Variants in SIK3 observed in about 807,000 individuals in gnomAD.
SIK3 encodes SIK family kinase 3, also known as serine/threonine-protein kinase SIK3.
In SIK3, 28 loss-of-function variants were observed where a neutral mutation model predicts 144.2. That is an observed-to-expected ratio of 0.19 (90% CI 0.14 to 0.27). The LOEUF (loss-of-function observed/expected upper bound fraction) is 0.27. Ranked by LOEUF, SIK3 falls within the 10% of genes least tolerant of loss-of-function variation. SIK3 has a pLI of 1.00. For synonymous variants in SIK3, 686 were observed against 676.3 expected (o/e 1.01, Z -0.22); for missense variants, 1,319 against 1,776.0 (o/e 0.74, Z 4.62).
intron 22 of SIK3, 68 bp from the exon 23 acceptor site, chr11:116,847,676 G>T: frequency 6.3e-7 from 1 of 1,599,324 alleles, no homozygotes; most frequent in Non-Finnish European, 8.5e-7. Context: ...CCTAGAGACA[G>T]CTGGTCCTTC....
chr11:116,991,423 G>A (rs1480536847), intron 1 of SIK3, among the ~76,000 whole-genome samples: 2 of 152,178 alleles, frequency 1.3e-5, no homozygotes, highest in East Asian at 3.8e-4. Context: ...CTCCAGTATG[G>A]GCAATAGAGC....
intron 1 of SIK3, among the ~76,000 whole-genome samples, chr11:116,971,616 A>G (rs570396727): frequency 7.8e-4 from 119 of 152,360 alleles, no homozygotes; most frequent in Non-Finnish European, 1.6e-3. Flanking sequence ...AATTCAAAGC[A>G]TCAATCAGCT....
chr11:116,844,673 T>C lies in SIK3; in HGVS notation c.*970A>G, dbSNP rs1389670136. On this transcript the variant is annotated 3_prime_UTR_variant, in exon 25 of 25. Transcript: ENST00000445177. Reference sequence around the variant, plus strand: ...TATATATATAATATATATATACACATATATTATATTATATATATACACACA... The same window carrying C: ...TATATATATAATATATATATACACACATATTATATTATATATATACACACA... 9.6e-5 allele frequency: 11 copies of C among 114,448 alleles called. No homozygotes were observed. Among genetic ancestry groups the C allele is most frequent in the Admixed American group, 8.4e-4 (9 of 10,712 alleles). The allele number at this position is 114,448 out of a possible 1,614,324, so 7.1% of individuals were successfully genotyped here.
At chr11:116,957,199 G>A (rs1315669579) in intron 1 of SIK3, 135 bp from the exon 2 acceptor site, 1 of 510,720 alleles carries the variant, frequency 2.0e-6, no homozygotes, top group African/African-American at 1.9e-5. Flanking sequence ...TGTCAATGAG[G>A]AAAATTAATT....
intron 1 of SIK3, among the ~76,000 whole-genome samples, chr11:116,974,709 A>T (rs1949886824): frequency 6.6e-6 from 1 of 152,166 alleles, no homozygotes; most frequent in Admixed American, 6.6e-5. Flanking sequence ...AATCTTTTTT[A>T]AAAATGTATT....
chr11:117,040,792 C>G (rs1370478169), intron 1 of SIK3, among the ~76,000 whole-genome samples: 1 of 152,068 alleles, frequency 6.6e-6, no homozygotes, highest in African/African-American at 2.4e-5. Flanking sequence ...ATAAAGAGTT[C>G]ACATATAAAT....
intron 1 of SIK3, among the ~76,000 whole-genome samples, chr11:117,062,170 C>T (rs889544308): frequency 1.3e-5 from 2 of 151,966 alleles, no homozygotes; most frequent in African/African-American, 4.8e-5. Context: ...ACTAAAAATA[C>T]AAAAATTAGC....
intron 1 of SIK3, among the ~76,000 whole-genome samples, chr11:116,990,172 T>C (rs531731972): frequency 2.0e-5 from 3 of 152,188 alleles, no homozygotes; most frequent in Admixed American, 1.3e-4. Flanking sequence ...TTGGCAGCAA[T>C]ACATGTACTT....
At chr11:117,023,618 AAAAAT>A (rs1434055351) in intron 1 of SIK3, among the ~76,000 whole-genome samples, 4,617 of 115,038 alleles carry the variant, frequency 0.04, 101 homozygotes, top group Non-Finnish European at 0.055. Flanking sequence ...ACAAAAAAAA[AAAAAT>A]ATATATATAT....
intron 23 of SIK3, 51 bp downstream of exon 23, chr11:116,847,425 G>C (rs1591350762): frequency 6.2e-7 from 1 of 1,611,210 alleles, no homozygotes; most frequent in African/African-American, 1.3e-5. Flanking sequence ...AAGATGGAGG[G>C]AGGCCCCTCC....
intron 1 of SIK3, among the ~76,000 whole-genome samples, chr11:117,005,570 G>T (rs1253119682): frequency 6.6e-6 from 1 of 151,916 alleles, no homozygotes; most frequent in Non-Finnish European, 1.5e-5. Flanking sequence ...GGCTCTCTTG[G>T]GTTTGAATCC....
At chr11:116,895,181 G>A (rs1352925451) in intron 6 of SIK3, among the ~76,000 whole-genome samples, 1 of 151,982 alleles carries the variant, frequency 6.6e-6, no homozygotes, top group Non-Finnish European at 1.5e-5. Context: ...CTTCCTTCCA[G>A]GCACGCAGGC....
At chr11:117,049,173 AG>A (rs1169296039) in intron 1 of SIK3, among the ~76,000 whole-genome samples, 1 of 152,220 alleles carries the variant, frequency 6.6e-6, no homozygotes, top group Non-Finnish European at 1.5e-5. Flanking sequence ...AAAGATTTTT[AG>A]GGGTTGTCAA....
intron 2 of SIK3, among the ~76,000 whole-genome samples, chr11:116,956,335 C>CAAA (rs67306337): frequency 7.8e-6 from 1 of 128,322 alleles, no homozygotes. Context: ...TTGGGAAGAC[C>CAAA]AAAAAAAAAA....
intron 13 of SIK3, 24 bp from the exon 14 acceptor site, chr11:116,870,425 G>A: frequency 6.2e-7 from 1 of 1,612,168 alleles, no homozygotes; most frequent in Non-Finnish European, 8.5e-7. Context: ...GGAAGGAAAA[G>A]CTCAAGGTGG....
At chr11:116,962,065 T>C (rs902143822) in intron 1 of SIK3, among the ~76,000 whole-genome samples, 29 of 152,162 alleles carry the variant, frequency 1.9e-4, no homozygotes, top group African/African-American at 9.7e-5. Context: ...CTGAAAAAAA[T>C]AGTGGTTTCT....
At chr11:116,989,235 A>G (rs1187437747) in intron 1 of SIK3, among the ~76,000 whole-genome samples, 2 of 152,134 alleles carry the variant, frequency 1.3e-5, no homozygotes, top group South Asian at 2.1e-4. Context: ...CTCTCAGATG[A>G]TATGTGTTTC....
intron 3 of SIK3, among the ~76,000 whole-genome samples, chr11:116,934,898 G>A (rs1947825508): frequency 1.3e-5 from 2 of 152,126 alleles, no homozygotes; most frequent in African/African-American, 4.8e-5. Context: ...TGGCCAACAT[G>A]GTGAAACCTC....
In SIK3 at chr11:116,875,990, T is replaced by C. The variant is rs781037696; in HGVS notation, c.1115A>G (p.Tyr372Cys). The C allele has an allele frequency of 6.2e-6, 10 of 1,613,234 alleles. No homozygotes were observed. The highest frequency in any genetic ancestry group is 2.2e-5 in the East Asian group (1 of 44,894). The change falls in exon 9 of 25, where the codon TAT (tyrosine) becomes TGT (cysteine). Residue 372 changes from tyrosine (Y) to cysteine (C), a missense_variant. Transcript: ENST00000445177. ...QTLQSLRSDA[Y>C]DHYSAIYSLL... is the part of the protein sequence containing the mutation. Reference sequence around the variant, plus strand: ...GCTGTAGATTGCACTATAGTGATCATAGGCATCTGATCTTAATGACTACCA... The same window carrying C: ...GCTGTAGATTGCACTATAGTGATCACAGGCATCTGATCTTAATGACTACCA...
Sources: gnomAD v4.1 joint callset for allele counts (sites outside exome capture counted in the v4.1 genomes callset) on GRCh38, gnomAD v4.1.1 for gene constraint, MANE v1.5 for transcripts, NCBI Gene and HGNC (gene_info 2026-07-23, HGNC 2026-07-21) for gene names.